Variants in GRAMD2A observed in about 807,000 individuals in gnomAD.
GRAMD2A encodes the protein GRAM domain-containing protein 2A.
Under a neutral mutation model 51.1 loss-of-function variants are expected in GRAMD2A, and 37 were observed. The observed-to-expected ratio is 0.72, with a 90% CI of 0.56 to 0.95. GRAMD2A has a LOEUF of 0.95. Among genes scored for constraint, GRAMD2A ranks in the 40% least tolerant of loss-of-function variants. GRAMD2A has a pLI of 0.00. For synonymous variants in GRAMD2A, 136 were observed against 157.1 expected (o/e 0.87, Z 1.01); for missense variants, 414 against 426.9 (o/e 0.97, Z 0.27).
intron 1 of GRAMD2A, among the ~76,000 whole-genome samples, chr15:72,197,362 A>G (rs2081815675): frequency 6.6e-6 from 1 of 152,218 alleles, no homozygotes; most frequent in Non-Finnish European, 1.5e-5. Context: ...GCGGGCAACG[A>G]ATGATGAATG....
rs780016430 is a variant in GRAMD2A, at chr15:72,167,103, G to A, written c.373-11C>T. On this transcript the variant is annotated splice_polypyrimidine_tract_variant and intron_variant, in intron 5 of 11. Coordinates refer to ENST00000309731, the MANE Select transcript of GRAMD2A (RefSeq NM_001012642.3). ...CACAGGAATGACCACCTGAGAGGGA[G>A]AGGGATGCTTCTCTCAGGACTAACC... The A allele has an allele frequency of 8.8e-6, 14 of 1,586,794 alleles. No individual in the cohort carries two copies. Among genetic ancestry groups the A allele is most frequent in the Admixed American group, 8.3e-5 (5 of 59,996 alleles).
Position 72,161,726 on chromosome 15 carries a change from T to A in GRAMD2A, c.*283A>T, listed in dbSNP as rs915247119. ...TGTTTGTTTGTTTGTTTTCTCTAAG[T>A]GTTTGCTGAAGCTTTGTGTACAGAA... On this transcript the variant is annotated 3_prime_UTR_variant, in exon 12 of 12. Transcript: ENST00000309731. 2.2e-6 allele frequency: 1 copy of A among 445,250 alleles called. No individual in the cohort carries two copies. Among genetic ancestry groups the A allele is most frequent in the Non-Finnish European group, 4.1e-6 (1 of 241,474 alleles). The allele number at this position is 445,250 out of a possible 1,614,324, so 27.6% of individuals were successfully genotyped here.
Position 72,168,521 on chromosome 15 carries a change from C to A in GRAMD2A, c.238G>T (p.Asp80Tyr), listed in dbSNP as rs1163080290. ...YNQQYHKLFK[D>Y]VPLEEVVLKV... Reference sequence around the variant, plus strand: ...AGAACCACTTCCTCCAAGGGAACATCCTTAAACAGCTTGTGGTATTGCTGG... The same window carrying A: ...AGAACCACTTCCTCCAAGGGAACATACTTAAACAGCTTGTGGTATTGCTGG... The change falls in exon 4 of 12, where the codon GAT (aspartate) becomes TAT (tyrosine). Residue 80 changes from aspartate (D) to tyrosine (Y), a missense_variant. By Grantham distance (160) the Asp-to-Tyr change is radical. Coordinates refer to ENST00000309731, the MANE Select transcript of GRAMD2A (RefSeq NM_001012642.3). 3 of 1,613,742 alleles carry A rather than the reference C, an allele frequency of 1.9e-6. No individual in the cohort carries two copies. Among genetic ancestry groups the A allele is most frequent in the Non-Finnish European group, 1.7e-6 (2 of 1,179,876 alleles).
In GRAMD2A at chr15:72,170,580, C is replaced by T. The variant is rs117720562; in HGVS notation, c.42-641G>A. On this transcript the variant is annotated intron_variant, in intron 1 of 11. Transcript: ENST00000309731. This position sits in a 1 kb window ranked among gnomAD's most constrained non-coding sequence, Gnocchi z 4.5. The stretch of plus-strand genomic sequence containing the variant: ...TCTCAAAAATGTCCCTGAGGGAGAG[C>T]GTAGGAGGGAACAGATCCTCTCTCC... Among the ~76,000 whole-genome samples the T allele has an allele frequency of 1.7e-3, 266 of 152,254 alleles. 8 individuals are homozygous for T. In the East Asian group the frequency reaches 0.05, roughly 29 times the overall value.
rs796269821 is a variant in GRAMD2A at position 72,196,515 on chromosome 15, G to GA, written c.41+1215dup. 3.8e-3 allele frequency among the ~76,000 whole-genome samples: 522 copies of GA among 137,928 alleles called. 3 individuals are homozygous for GA. Among genetic ancestry groups the GA allele is most frequent in the African/African-American group, 9.6e-3 (361 of 37,686 alleles). 90.5% of individuals were successfully genotyped at this position (137,928 alleles called of 152,430 possible). A position where few individuals can be genotyped will look rare whatever the true frequency, so the allele number is the denominator to read the frequency against. ...TGGGTGACAGAGTGAAACTGTCTCA[G>GA]AAAAAAAAAAAAGAAAAAAGAAGGA... On this transcript the variant is annotated intron_variant, in intron 1 of 11. Coordinates refer to ENST00000309731, the MANE Select transcript of GRAMD2A (RefSeq NM_001012642.3).
chr15:72,169,780 GGTC>G, intron 2 of GRAMD2A, 64 bp downstream of exon 2: 1 of 1,303,622 alleles, frequency 7.7e-7, no homozygotes, highest in Non-Finnish European at 1.1e-6. Flanking sequence ...CTTACAAACA[GGTC>G]ACTTCCTGAG....
chr15:72,191,016 T>C (rs1229224428), intron 1 of GRAMD2A, among the ~76,000 whole-genome samples: 1 of 152,214 alleles, frequency 6.6e-6, no homozygotes, highest in Non-Finnish European at 1.5e-5. Context: ...AAGAATGGAT[T>C]AAAACACATC....
At position 72,161,740 on chromosome 15, in the gene GRAMD2A, T is replaced by C; in HGVS notation, c.*269A>G. 1 of 472,826 alleles carries C rather than the reference T, an allele frequency of 2.1e-6. No homozygotes were observed. Among genetic ancestry groups the C allele is most frequent in the South Asian group, 2.4e-5 (1 of 42,406 alleles). The allele number at this position is 472,826 out of a possible 1,614,324, so 29.3% of individuals were successfully genotyped here. On this transcript the variant is annotated 3_prime_UTR_variant, in exon 12 of 12. Transcript: ENST00000309731. Reference sequence around the variant, plus strand: ...TTTTCTCTAAGTGTTTGCTGAAGCTTTGTGTACAGAATTCCTCAGTTGGTT... The same window carrying C: ...TTTTCTCTAAGTGTTTGCTGAAGCTCTGTGTACAGAATTCCTCAGTTGGTT...
At chr15:72,163,854 T>A in intron 8 of GRAMD2A, 97 bp from the exon 9 acceptor site, 1 of 1,303,606 alleles carries the variant, frequency 7.7e-7, no homozygotes, top group Non-Finnish European at 1.1e-6. Flanking sequence ...TCTCCAGATA[T>A]TACCAAATAT....
intron 10 of GRAMD2A, 109 bp from the exon 11 acceptor site, chr15:72,162,486 A>C: frequency 1.3e-6 from 1 of 745,762 alleles, no homozygotes; most frequent in Non-Finnish European, 2.2e-6. Context: ...TGGAAGAATT[A>C]AAGAGCCCTT....
chr15:72,182,362 C>CAAAAAA (rs36075463), intron 1 of GRAMD2A, among the ~76,000 whole-genome samples: 1 of 47,550 alleles, frequency 2.1e-5, no homozygotes. Flanking sequence ...GAGACTGTCT[C>CAAAAAA]AAAAAAAAAA....
intron 1 of GRAMD2A, among the ~76,000 whole-genome samples, chr15:72,195,261 C>T (rs888126477): frequency 6.6e-6 from 1 of 152,192 alleles, no homozygotes; most frequent in Non-Finnish European, 1.5e-5. Context: ...ATCTCCTTAC[C>T]TTATGGTGTA....
chr15:72,173,973 C>T (rs921192713), intron 1 of GRAMD2A: 3 of 137,300 alleles, frequency 2.2e-5, no homozygotes, highest in South Asian at 5.1e-4. Flanking sequence ...CTCCTTTACA[C>T]ATGATCAAGA....
intron 1 of GRAMD2A, 58 bp downstream of exon 1, chr15:72,197,673 G>A: frequency 1.6e-6 from 2 of 1,243,158 alleles, no homozygotes; most frequent in South Asian, 2.5e-5. Context: ...CGCGGCAGCA[G>A]CCCCTCGCGG....
intron 1 of GRAMD2A, among the ~76,000 whole-genome samples, chr15:72,193,010 C>T (rs1455035027): frequency 6.6e-6 from 1 of 152,000 alleles, no homozygotes; most frequent in South Asian, 2.1e-4. Context: ...ACTGTAATCC[C>T]AGCTACTCGG....
In GRAMD2A at chr15:72,190,897, G is replaced by GAAA. The variant is rs2081763606; in HGVS notation, c.41+6833_41+6834insTTT. Among the ~76,000 whole-genome samples, 9 of 152,294 alleles carry GAAA rather than the reference G, an allele frequency of 5.9e-5. No individual in the cohort carries two copies. The South Asian group carries it at 1.7e-3, about 28-fold the overall frequency. On this transcript the variant is annotated intron_variant, in intron 1 of 11. Coordinates refer to ENST00000309731, the MANE Select transcript of GRAMD2A (RefSeq NM_001012642.3). Reference sequence around the variant, plus strand: ...TCCGGATCTGAGGAAATGCAAAAAGGAGCCTAAAACATCTAATCATACCAG... The same window carrying GAAA: ...TCCGGATCTGAGGAAATGCAAAAAGGAAAAGCCTAAAACATCTAATCATACCAG...
chr15:72,167,698 C>T lies in GRAMD2A; in HGVS notation c.372+38G>A, dbSNP rs771511967. ...CCCGTGGGGCAGGAGGCTGGCTCCCCTCACAGGGTCATGGCAGCCCTCACC... is the reference window on the plus strand; with the variant it reads ...CCCGTGGGGCAGGAGGCTGGCTCCCTTCACAGGGTCATGGCAGCCCTCACC... On this transcript the variant is annotated intron_variant, in intron 5 of 11. Coordinates refer to ENST00000309731, the MANE Select transcript of GRAMD2A (RefSeq NM_001012642.3). 3.3e-6 allele frequency: 5 copies of T among 1,500,178 alleles called. No homozygotes were observed. In the South Asian group the frequency reaches 5.6e-5, roughly 17 times the overall value. 92.9% of individuals were successfully genotyped at this position (1,500,178 alleles called of 1,614,324 possible). A position where few individuals can be genotyped will look rare whatever the true frequency, so the allele number is the denominator to read the frequency against.
chr15:72,189,995 A>G lies in GRAMD2A; in HGVS notation c.41+7736T>C, dbSNP rs192713919. 3.0e-3 allele frequency among the ~76,000 whole-genome samples: 454 copies of G among 152,352 alleles called. 5 individuals carry two copies. Among genetic ancestry groups the G allele is most frequent in the Non-Finnish European group, 3.4e-3 (232 of 68,036 alleles). On this transcript the variant is annotated intron_variant, in intron 1 of 11. Transcript: ENST00000309731. ...GGTGGGGAAAAAAAGGTGCATTGTA[A>G]CTAGGCAACAGGAATTTCAAAATGT... is the stretch of plus-strand genomic sequence containing the variant.
chr15:72,167,025 C>T lies in GRAMD2A; in HGVS notation c.440G>A (p.Gly147Glu), dbSNP rs1383310572. Residue 147 changes from glycine (G) to glutamate (E), a missense_variant, in exon 6 of 12, where the codon GGA becomes GAA. Transcript: ENST00000309731. ...KHKMARLLPN[G>E]LAITTNTSQK... ...GCTGGTGTTGGTGGTGATGGCCAGT[C>T]CATTGGGAAGGAGCCGTGCCATCTT... The T allele has an allele frequency of 6.2e-7, 1 of 1,614,052 alleles. No homozygotes were observed. Among genetic ancestry groups the T allele is most frequent in the South Asian group, 1.1e-5 (1 of 91,078 alleles).
Sources: gnomAD v4.1 joint callset for allele counts (sites outside exome capture counted in the v4.1 genomes callset) on GRCh38, gnomAD v4.1.1 for gene constraint, Gnocchi (gnomAD v3.1) non-coding constraint, MANE v1.5 for transcripts, NCBI Gene and HGNC (gene_info 2026-07-23, HGNC 2026-07-21) for gene names.